The following TPGS1 variants were observed in gnomAD, a reference collection of about 807,000 sequenced individuals.
TPGS1 encodes gene trap ROSA b-geo 22.
TPGS1 carries 18 observed loss-of-function variants against 11.9 expected under a neutral mutation model. That is an observed-to-expected ratio of 1.51 (90% CI 1.04 to 2.24). The LOEUF is 2.24. TPGS1 is among the 30% of genes most tolerant of loss of function. The probability of loss-of-function intolerance (pLI) is 0.00; values close to 1 mark genes in which losing one functional copy is unlikely to be tolerated. For missense variants in TPGS1, 500 were observed against 443.0 expected, an observed-to-expected ratio of 1.13 and a Z score of -1.16; for synonymous variants, 247 against 218.2, an observed-to-expected ratio of 1.13 and a Z score of -1.16.
intron 1 of TPGS1, chr19:508,057 G>A (rs1438267796): frequency 9.9e-6 from 4 of 404,772 alleles, no homozygotes; most frequent in African/African-American, 6.2e-5. Context: ...TGCATGCGGC[G>A]CGAGTCCTTC....
chr19:507,763 A>G lies in TPGS1; in HGVS notation c.257A>G (p.Glu86Gly), dbSNP rs755474194. 7.2e-7 allele frequency: 1 copy of G among 1,392,768 alleles called. No individual in the cohort carries two copies. Among genetic ancestry groups the G allele is most frequent in the Non-Finnish European group, 9.3e-7 (1 of 1,075,186 alleles). The allele number at this position is 1,392,768 out of a possible 1,614,324, so 86.3% of individuals were successfully genotyped here. A position where few individuals can be genotyped will look rare whatever the true frequency, so the allele number is the denominator to read the frequency against. ...TCGCCTGTAAACGGCGGCGCCGGGG[A>G]GCCCCCGGGCCAGCTCCTGCTGCAG... is the stretch of plus-strand genomic sequence containing the variant. The part of the protein sequence containing the change: ...LRSPVNGGAG[E>G]PPGQLLLQQQ... Residue 86 changes from glutamate (E) to glycine (G), a missense_variant, in exon 1 of 2, where the codon GAG (glutamate) becomes GGG (glycine). Glu to Gly is a moderately conservative substitution (Grantham distance 98). Coordinates refer to ENST00000359315, the MANE Select transcript of TPGS1 (RefSeq NM_033513.3).
chr19:517,905 C>T (rs1348397774), intron 1 of TPGS1, among the ~76,000 whole-genome samples: 2 of 54,836 alleles, frequency 3.6e-5, no homozygotes, highest in African/African-American at 8.5e-5. Context: ...GAGGAGGAGG[C>T]CCAGGCTGGG....
Position 507,702 on chromosome 19 carries a change from T to A in TPGS1, c.196T>A (p.Phe66Ile). ...LEARPEEPIA[F>I]LAHYFENMGL... ...GGCGCGGCCCGAGGAGCCGATCGCC[T>A]TCCTGGCTCACTACTTCGAGAACAT... Residue 66 changes from phenylalanine to isoleucine, a missense_variant, in exon 1 of 2, where the codon TTC (phenylalanine) becomes ATC (isoleucine). By Grantham distance (21) the Phe-to-Ile change is conservative. Transcript: ENST00000359315. 1 of 1,395,380 alleles carries A rather than the reference T, an allele frequency of 7.2e-7. No individual in the cohort carries two copies. The allele number at this position is 1,395,380 out of a possible 1,614,324, so 86.4% of individuals were successfully genotyped here.
chr19:519,519 A>C lies in TPGS1; in HGVS notation c.*96A>C. On this transcript the variant is annotated 3_prime_UTR_variant, in exon 2 of 2. Transcript: ENST00000359315. ...CTTCGCCCTGGTGAGGCCCTGCCAT[A>C]ACCAGGCGCCCAGCCCTGCGGAGGA... 1 of 1,083,532 alleles carries C rather than the reference A, an allele frequency of 9.2e-7. No individual in the cohort carries two copies. Among genetic ancestry groups the C allele is most frequent in the Non-Finnish European group, 1.1e-6 (1 of 874,580 alleles). 67.1% of individuals were successfully genotyped at this position (1,083,532 alleles called of 1,614,324 possible).
At chr19:512,631 G>GGGGTGGAGAAGTGGC (rs571641122) in intron 1 of TPGS1, among the ~76,000 whole-genome samples, 20 of 152,400 alleles carry the variant, frequency 1.3e-4, no homozygotes, top group Admixed American at 2.6e-4. Context: ...CACCCTCGGC[G>GGGGTGGAGAAGTGGC]GGGTGGAGAA....
chr19:518,802 G>C, intron 1 of TPGS1, 87 bp from the exon 2 acceptor site: 3 of 1,369,194 alleles, frequency 2.2e-6, no homozygotes, highest in Non-Finnish European at 2.8e-6. Context: ...GGTCGGGGAG[G>C]CTAGGGCATA....
At chr19:508,229 T>G in intron 1 of TPGS1, 1 of 181,232 alleles carries the variant, frequency 5.5e-6, no homozygotes, top group Non-Finnish European at 1.1e-5. Context: ...CCTCATGTTA[T>G]CCCCGTCCAT....
Position 519,549 on chromosome 19 carries a change from G to A in TPGS1, c.*126G>A. Reference sequence around the variant, plus strand: ...GGCGCCCAGCCCTGCGGAGGAGGCCGGGGCTCCCAGGAAGCGGACGCCCGG... The same window carrying A: ...GGCGCCCAGCCCTGCGGAGGAGGCCAGGGCTCCCAGGAAGCGGACGCCCGG... On this transcript the variant is annotated 3_prime_UTR_variant, in exon 2 of 2. Transcript: ENST00000359315. 4 of 929,828 alleles carry A rather than the reference G, an allele frequency of 4.3e-6. No individual in the cohort carries two copies. Among genetic ancestry groups the A allele is most frequent in the Non-Finnish European group, 4.1e-6 (3 of 733,490 alleles). The allele number at this position is 929,828 out of a possible 1,614,324, so 57.6% of individuals were successfully genotyped here.
intron 1 of TPGS1, 104 bp downstream of exon 1, chr19:507,948 C>A: frequency 1.1e-6 from 1 of 946,674 alleles, no homozygotes; most frequent in Non-Finnish European, 1.4e-6. Flanking sequence ...GGGCCCGGGG[C>A]TTGCTGGGAG....
In TPGS1 at chr19:519,156, C is replaced by G; in HGVS notation, c.606C>G (p.Phe202Leu). Residue 202 changes from phenylalanine to leucine, a missense_variant, in exon 2 of 2, where the codon TTC becomes TTG. Physicochemically the swap from Phe to Leu is conservative, Grantham distance 22 (BLOSUM62 0). Coordinates refer to ENST00000359315, the MANE Select transcript of TPGS1 (RefSeq NM_033513.3). ...LEFVARAGAL[F>L]QLLEDSAAAV... The stretch of plus-strand genomic sequence containing the variant: ...TCGTGGCGCGCGCCGGCGCGCTCTT[C>G]CAGCTGCTGGAGGACTCGGCCGCCG... 6.6e-7 allele frequency: 1 copy of G among 1,511,210 alleles called. No individual in the cohort carries two copies. Among genetic ancestry groups the G allele is most frequent in the South Asian group, 1.2e-5 (1 of 81,232 alleles). The allele number at this position is 1,511,210 out of a possible 1,614,324, so 93.6% of individuals were successfully genotyped here.
At chr19:513,536 C>T (rs993281474) in intron 1 of TPGS1, among the ~76,000 whole-genome samples, 1 of 152,078 alleles carries the variant, frequency 6.6e-6, no homozygotes, top group Admixed American at 6.6e-5. Flanking sequence ...CACCGTGCAC[C>T]GGCCCAGCAT....
chr19:507,846 T>C lies in TPGS1; in HGVS notation c.338+2T>C, dbSNP rs767018989. The C allele has an allele frequency of 1.5e-6, 2 of 1,325,806 alleles. No individual in the cohort carries two copies. Among genetic ancestry groups the C allele is most frequent in the Non-Finnish European group, 9.6e-7 (1 of 1,038,522 alleles). The allele number at this position is 1,325,806 out of a possible 1,614,324, so 82.1% of individuals were successfully genotyped here. On this transcript the variant is annotated splice_donor_variant, in intron 1 of 1. Transcript: ENST00000359315. LOFTEE classifies it high-confidence loss of function. ...TCGCCTGGCCCACCACTCCCAGAGG[T>C]GCGCAGTGGGCCGGCTTGGGCGGGT...
Position 507,668 on chromosome 19 carries a change from G to A in TPGS1, c.162G>A (p.Lys54=). ...VTEMLRAALL[K]VLEARPEEPI... is the part of the protein sequence containing the mutation. Reference sequence around the variant, plus strand: ...AAATGCTACGTGCGGCCCTGCTGAAGGTGCTGGAGGCGCGGCCCGAGGAGC... The same window carrying A: ...AAATGCTACGTGCGGCCCTGCTGAAAGTGCTGGAGGCGCGGCCCGAGGAGC... Residue 54 remains lysine (K), a synonymous_variant, in exon 1 of 2, where the codon AAG becomes AAA. Transcript: ENST00000359315. 3.6e-6 allele frequency: 5 copies of A among 1,384,176 alleles called. No individual in the cohort carries two copies. The highest frequency in any genetic ancestry group is 4.7e-6 in the Non-Finnish European group (5 of 1,057,518). 85.7% of individuals were successfully genotyped at this position (1,384,176 alleles called of 1,614,324 possible).
intron 1 of TPGS1, among the ~76,000 whole-genome samples, chr19:510,758 G>A (rs1253820249): frequency 3.9e-5 from 6 of 152,218 alleles, no homozygotes; most frequent in Non-Finnish European, 1.5e-5. Flanking sequence ...TGGCAGCAAG[G>A]GCTGCACTGC....
rs138891249 is a variant in TPGS1, at chr19:515,315, C to T, written c.339-3574C>T. Among the ~76,000 whole-genome samples the T allele has an allele frequency of 7.5e-3, 1,143 of 151,412 alleles. 4 individuals are homozygous for T. The highest frequency in any genetic ancestry group is 0.041 in the Middle Eastern group (12 of 294). On this transcript the variant is annotated intron_variant, in intron 1 of 1. Transcript: ENST00000359315. ...GTTTGGGAGGCTGAGGCAGGAGGAT[C>T]GCTTGAGCCCAGGAGGTGGAGGCTG... is the stretch of plus-strand genomic sequence containing the variant.
chr19:513,442 G>A (rs544379411), intron 1 of TPGS1, among the ~76,000 whole-genome samples: 4 of 152,176 alleles, frequency 2.6e-5, no homozygotes, highest in African/African-American at 9.6e-5. Flanking sequence ...TTTGACCCTC[G>A]AGCTCGCTGA....
intron 1 of TPGS1, among the ~76,000 whole-genome samples, chr19:516,547 G>A (rs530770973): frequency 3.3e-5 from 5 of 152,160 alleles, no homozygotes; most frequent in East Asian, 1.9e-4. Flanking sequence ...ACCACGTCCC[G>A]CTAATTTTTG....
intron 1 of TPGS1, among the ~76,000 whole-genome samples, 175 bp from the exon 2 acceptor site, chr19:518,714 T>C (rs1979046661): frequency 7.5e-6 from 1 of 132,550 alleles, no homozygotes; most frequent in Non-Finnish European, 1.6e-5. Flanking sequence ...AGAGAGGAGC[T>C]TCAGGGATAG....
At chr19:514,383 C>T (rs1269727788) in intron 1 of TPGS1, among the ~76,000 whole-genome samples, 1 of 152,054 alleles carries the variant, frequency 6.6e-6, no homozygotes, top group African/African-American at 2.4e-5. Flanking sequence ...TGAGCACCCA[C>T]TGCACACCGC....
Sources: gnomAD v4.1 joint callset for allele counts (sites outside exome capture counted in the v4.1 genomes callset) on GRCh38, gnomAD v4.1.1 for gene constraint, MANE v1.5 for transcripts, NCBI Gene and HGNC (gene_info 2026-07-23, HGNC 2026-07-21) for gene names.